The following NAA25 variants were observed in gnomAD, a reference collection of about 807,000 sequenced individuals.
NAA25 encodes the protein N-alpha-acetyltransferase 25, NatB auxiliary subunit, also known as N-terminal acetyltransferase B complex subunit NAA25.
NAA25 carries 30 observed loss-of-function variants against 132.5 expected under a neutral mutation model. The ratio of observed to expected loss-of-function variants is 0.23; its 90% CI spans 0.17 to 0.31. The LOEUF (loss-of-function observed/expected upper bound fraction) is 0.31. Among genes scored for constraint, NAA25 ranks in the 10% least tolerant of loss-of-function variants. The pLI, the probability that NAA25 is intolerant of heterozygous loss-of-function variation, is 1.00. For synonymous variants in NAA25, 359 were observed against 401.9 expected (o/e 0.89, Z 1.28); for missense variants, 771 against 1,150.4 (o/e 0.67, Z 4.77).
intron 13 of NAA25, among the ~76,000 whole-genome samples, chr12:112,057,539 A>G (rs1406936017): frequency 6.6e-6 from 1 of 152,198 alleles, no homozygotes; most frequent in Non-Finnish European, 1.5e-5. Flanking sequence ...TTTCACTCTC[A>G]TCCCTGGTAC....
intron 13 of NAA25, among the ~76,000 whole-genome samples, chr12:112,055,577 G>A (rs1298839979): frequency 1.3e-5 from 2 of 152,072 alleles, no homozygotes; most frequent in African/African-American, 4.8e-5. Flanking sequence ...GGTGCACACT[G>A]CCTATGGTTC....
chr12:112,075,555 G>C, intron 8 of NAA25, 123 bp downstream of exon 8: 1 of 709,338 alleles, frequency 1.4e-6, no homozygotes, highest in Admixed American at 2.8e-5. Context: ...AAACATGCAG[G>C]ACACAACTAC....
chr12:112,039,758 C>T, intron 21 of NAA25: 1 of 162,500 alleles, frequency 6.2e-6, no homozygotes, highest in Non-Finnish European at 1.3e-5. Flanking sequence ...ACCTTACCTG[C>T]AAATCTTAAC....
intron 13 of NAA25, among the ~76,000 whole-genome samples, chr12:112,056,377 T>A (rs1226285002): frequency 6.6e-6 from 1 of 151,372 alleles, no homozygotes; most frequent in Non-Finnish European, 1.5e-5. Flanking sequence ...TTTAAAAAAA[T>A]TTAAAATTAA....
At chr12:112,086,067 T>TAC (rs1566027455) in intron 4 of NAA25, among the ~76,000 whole-genome samples, 1 of 64,204 alleles carries the variant, frequency 1.6e-5, no homozygotes, top group African/African-American at 1.2e-4. Context: ...TATATATATA[T>TAC]ATATATACAC....
intron 11 of NAA25, among the ~76,000 whole-genome samples, chr12:112,067,226 C>T (rs2078731588): frequency 6.6e-6 from 1 of 151,678 alleles, no homozygotes; most frequent in Non-Finnish European, 1.5e-5. Flanking sequence ...AACAAAGAAA[C>T]AAGACATTAA....
intron 8 of NAA25, 42 bp downstream of exon 8, chr12:112,075,636 C>A: frequency 1.3e-6 from 2 of 1,508,800 alleles, no homozygotes; most frequent in South Asian, 1.1e-5. Flanking sequence ...GGTCTTAAAG[C>A]CTCACTACAG....
intron 5 of NAA25, among the ~76,000 whole-genome samples, chr12:112,079,110 T>C (rs1442793175): frequency 1.3e-5 from 2 of 152,190 alleles, no homozygotes; most frequent in Non-Finnish European, 1.5e-5. Flanking sequence ...GATGTTCACA[T>C]ACTAGAAGAG....
chr12:112,061,828 GAA>G (rs1386464695), intron 11 of NAA25, among the ~76,000 whole-genome samples: 2 of 152,052 alleles, frequency 1.3e-5, no homozygotes, highest in East Asian at 1.9e-4. Context: ...GTTATACATG[GAA>G]AGATACTGTT....
At chr12:112,075,016 A>G (rs148896405) in intron 8 of NAA25, among the ~76,000 whole-genome samples, 1 of 152,286 alleles carries the variant, frequency 6.6e-6, no homozygotes, top group African/African-American at 2.4e-5. Flanking sequence ...ACTAATATTC[A>G]TAACAGAAAA....
intron 1 of NAA25, among the ~76,000 whole-genome samples, chr12:112,105,914 A>T (rs2079355967): frequency 6.6e-6 from 1 of 152,216 alleles, no homozygotes; most frequent in Non-Finnish European, 1.5e-5. Flanking sequence ...TAATGCTGAT[A>T]GTTGTTGAAT....
intron 11 of NAA25, among the ~76,000 whole-genome samples, chr12:112,062,302 G>T (rs768618415): frequency 4.6e-5 from 7 of 151,866 alleles, no homozygotes; most frequent in Non-Finnish European, 4.4e-5. Flanking sequence ...TCAGGATGCT[G>T]AGGCAGGAGA....
At chr12:112,073,305 T>TC (rs2078842804) in intron 9 of NAA25, among the ~76,000 whole-genome samples, 1 of 151,794 alleles carries the variant, frequency 6.6e-6, no homozygotes, top group Non-Finnish European at 1.5e-5. Flanking sequence ...TGAGATGGGG[T>TC]CTTGTACATT....
chr12:112,064,286 T>G (rs1423585445), intron 11 of NAA25: 1 of 152,396 alleles, frequency 6.6e-6, no homozygotes, highest in Non-Finnish European at 1.5e-5. Flanking sequence ...AGTGCTGTAG[T>G]ACAACCTCGG....
chr12:112,092,841 C>A (rs947082108), intron 2 of NAA25, among the ~76,000 whole-genome samples: 3 of 152,070 alleles, frequency 2.0e-5, no homozygotes, highest in African/African-American at 7.2e-5. Context: ...CCATGCCAGG[C>A]TAATTTTTGT....
At chr12:112,075,599 C>A in intron 8 of NAA25, 79 bp downstream of exon 8, 1 of 1,212,958 alleles carries the variant, frequency 8.2e-7, no homozygotes, top group Admixed American at 2.1e-5. Context: ...AACTTCAAAA[C>A]ACAGACACCA....
At chr12:112,041,886 T>C (rs1222094952) in intron 20 of NAA25, among the ~76,000 whole-genome samples, 153 bp downstream of exon 20, 3 of 152,204 alleles carry the variant, frequency 2.0e-5, no homozygotes, top group African/African-American at 7.2e-5. Flanking sequence ...CACACACATA[T>C]GTGTTTAGGT....
chr12:112,060,213 G>A (rs2078606720), intron 13 of NAA25, 57 bp downstream of exon 13: 2 of 1,096,186 alleles, frequency 1.8e-6, no homozygotes, highest in South Asian at 2.6e-5. Context: ...AAAGAATGCA[G>A]TACTTATAAT....
rs114417364 is a variant in NAA25, at chr12:112,044,765, G to A, written c.2007-897C>T. Among the ~76,000 whole-genome samples the A allele has an allele frequency of 8.1e-3, 1,229 of 152,122 alleles. 16 individuals carry two copies. Among genetic ancestry groups the A allele is most frequent in the African/African-American group, 0.028 (1,181 of 41,472 alleles). ...ATTATAAAAATAATACATGAGGACAGGTGTGGTGGCTCACACCTGTAATCC... is the reference window on the plus strand; with the variant it reads ...ATTATAAAAATAATACATGAGGACAAGTGTGGTGGCTCACACCTGTAATCC... On this transcript the variant is annotated intron_variant, in intron 17 of 23. Coordinates refer to ENST00000261745, the MANE Select transcript of NAA25 (RefSeq NM_024953.4).
Sources: gnomAD v4.1 joint callset for allele counts (sites outside exome capture counted in the v4.1 genomes callset) on GRCh38, gnomAD v4.1.1 for gene constraint, MANE v1.5 for transcripts, NCBI Gene and HGNC (gene_info 2026-07-23, HGNC 2026-07-21) for gene names.